The following PTPN11 variants were observed in gnomAD, a reference collection of about 807,000 sequenced individuals.
PTPN11 encodes the protein tyrosine-protein phosphatase non-receptor type 11.
A neutral mutation model predicts 78.8 loss-of-function variants in PTPN11; 6 were observed. The observed-to-expected ratio is 0.08, with a 90% CI of 0.04 to 0.15. The LOEUF is 0.15. Among genes scored for constraint, PTPN11 ranks in the 10% least tolerant of loss-of-function variants. The pLI is 1.00. For synonymous variants in PTPN11, 221 were observed against 263.5 expected, an observed-to-expected ratio of 0.84 and a Z score of 1.56; for missense variants, 386 against 744.8, an observed-to-expected ratio of 0.52 and a Z score of 5.61.
intron 1 of PTPN11, among the ~76,000 whole-genome samples, chr12:112,422,856 C>T (rs1158763092): frequency 6.6e-6 from 1 of 152,158 alleles, no homozygotes. Context: ...AAAAGCAGAG[C>T]CAACTCATGT....
intron 3 of PTPN11, among the ~76,000 whole-genome samples, chr12:112,451,219 A>G (rs1206102160): frequency 6.6e-6 from 1 of 152,118 alleles, no homozygotes; most frequent in African/African-American, 2.4e-5. Flanking sequence ...TTATACCTTT[A>G]TGTCAGTGCT....
intron 6 of PTPN11, among the ~76,000 whole-genome samples, chr12:112,460,976 T>C (rs1263516005): frequency 6.6e-6 from 1 of 152,142 alleles, no homozygotes; most frequent in Non-Finnish European, 1.5e-5. Context: ...GTCCTGAGAG[T>C]TACTTATAGT....
intron 2 of PTPN11, among the ~76,000 whole-genome samples, chr12:112,448,956 G>A (rs1191963978): frequency 2.0e-5 from 3 of 150,924 alleles, no homozygotes; most frequent in East Asian, 2.0e-4. Context: ...GTGAGATCTC[G>A]GCCGACTGCA....
chr12:112,437,192 T>C (rs2037805883), intron 1 of PTPN11, among the ~76,000 whole-genome samples: 1 of 152,124 alleles, frequency 6.6e-6, no homozygotes, highest in Non-Finnish European at 1.5e-5. Flanking sequence ...ACTGTGTCAC[T>C]CAGGCTGGAG....
At chr12:112,465,931 A>G (rs1268061417) in intron 6 of PTPN11, among the ~76,000 whole-genome samples, 1 of 152,236 alleles carries the variant, frequency 6.6e-6, no homozygotes, top group Non-Finnish European at 1.5e-5. Context: ...ATATCTGCCA[A>G]AAACTATAGA....
intron 1 of PTPN11, among the ~76,000 whole-genome samples, chr12:112,419,599 G>A (rs2037488501): frequency 6.6e-6 from 1 of 152,188 alleles, no homozygotes; most frequent in Admixed American, 6.5e-5. Flanking sequence ...CGTGCATTTG[G>A]GGACTTCACG....
intron 6 of PTPN11, among the ~76,000 whole-genome samples, chr12:112,467,538 A>G (rs1006556534): frequency 1.3e-5 from 2 of 152,128 alleles, no homozygotes; most frequent in Non-Finnish European, 2.9e-5. Context: ...TCTTTTGCCC[A>G]GCCTGGAGTG....
At chr12:112,486,332 G>A (rs1592852746) in intron 10 of PTPN11, 143 bp from the exon 11 acceptor site, 1 of 856,386 alleles carries the variant, frequency 1.2e-6, no homozygotes, top group African/African-American at 1.7e-5. Flanking sequence ...ACGAGTTCTG[G>A]GAACCTCACG....
intron 1 of PTPN11, among the ~76,000 whole-genome samples, chr12:112,423,225 G>C (rs539943273): frequency 1.6e-4 from 24 of 152,210 alleles, no homozygotes; most frequent in Non-Finnish European, 2.9e-4. Context: ...AATTTAGAGA[G>C]GGAGACAGAC....
At chr12:112,422,145 T>G (rs909001555) in intron 1 of PTPN11, among the ~76,000 whole-genome samples, 5 of 152,122 alleles carry the variant, frequency 3.3e-5, no homozygotes, top group Non-Finnish European at 7.4e-5. Flanking sequence ...TTTTGATAGG[T>G]GGTTTAGAGA....
chr12:112,438,605 C>T (rs2135845050), intron 1 of PTPN11, among the ~76,000 whole-genome samples: 1 of 152,210 alleles, frequency 6.6e-6, no homozygotes, highest in East Asian at 1.9e-4. Flanking sequence ...CCTCAGCCTC[C>T]CGAGTAGCTG....
chr12:112,447,869 T>C (rs1008645419), intron 2 of PTPN11, among the ~76,000 whole-genome samples: 1 of 149,264 alleles, frequency 6.7e-6, no homozygotes, highest in African/African-American at 2.5e-5. Context: ...GGCCACAATC[T>C]TGGCTCACTG....
chr12:112,473,640 A>G (rs1180768271), intron 7 of PTPN11, among the ~76,000 whole-genome samples: 1 of 152,004 alleles, frequency 6.6e-6, no homozygotes, highest in Non-Finnish European at 1.5e-5. Context: ...TCTGATCAGG[A>G]GTTCAAGACC....
At chr12:112,427,797 A>G (rs1198302105) in intron 1 of PTPN11, among the ~76,000 whole-genome samples, 3 of 151,772 alleles carry the variant, frequency 2.0e-5, no homozygotes, top group African/African-American at 7.3e-5. Context: ...TGTCACCCAC[A>G]CTGGATTGCA....
rs71465852 is a variant in PTPN11, at chr12:112,487,429, C to T, written c.1379+800C>T. Among the ~76,000 whole-genome samples, 566 of 152,156 alleles carry T rather than the reference C, an allele frequency of 3.7e-3. 1 individual carries two copies. Among genetic ancestry groups the T allele is most frequent in the Non-Finnish European group, 5.9e-3 (404 of 67,978 alleles). On this transcript the variant is annotated intron_variant, in intron 11 of 15. Transcript: ENST00000351677. ...GATTACAGGTATGAGCTACCATGCC[C>T]GGCCCATTCTGTTCTCTTCTACCAT... is the stretch of plus-strand genomic sequence containing the variant.
chr12:112,471,688 A>G (rs1383530072), intron 6 of PTPN11, among the ~76,000 whole-genome samples: 1 of 151,696 alleles, frequency 6.6e-6, no homozygotes, highest in African/African-American at 2.4e-5. Context: ...AAAACAAGAA[A>G]AGGACTTCAT....
chr12:112,441,634 G>A (rs1245727768), intron 1 of PTPN11, among the ~76,000 whole-genome samples: 1 of 152,142 alleles, frequency 6.6e-6, no homozygotes, highest in Non-Finnish European at 1.5e-5. Context: ...TCACTTGATT[G>A]TCAGTACTAG....
intron 1 of PTPN11, among the ~76,000 whole-genome samples, chr12:112,441,791 T>C (rs1415551555): frequency 6.6e-6 from 1 of 151,978 alleles, no homozygotes; most frequent in African/African-American, 2.4e-5. Flanking sequence ...TCTTTTTTTT[T>C]TTTTTGAGAC....
At chr12:112,462,530 G>A (rs915649966) in intron 6 of PTPN11, among the ~76,000 whole-genome samples, 2 of 152,124 alleles carry the variant, frequency 1.3e-5, no homozygotes, top group African/African-American at 4.8e-5. Flanking sequence ...TAGTCAAATT[G>A]AAAAAACAAA....
Sources: allele counts gnomAD v4.1 joint callset (sites outside exome capture counted in the v4.1 genomes callset), GRCh38; gene constraint gnomAD v4.1.1; transcripts MANE v1.5; gene names NCBI Gene and HGNC (gene_info 2026-07-23, HGNC 2026-07-21).